TMEM65: variants seen among roughly 807,000 people sequenced by gnomAD.
The protein encoded by TMEM65 is transmembrane protein 65.
Under a neutral mutation model 25.4 loss-of-function variants are expected in TMEM65, and 22 were observed. The observed-to-expected ratio is 0.86, with a 90% CI of 0.62 to 1.23. The LOEUF (loss-of-function observed/expected upper bound fraction) is 1.23. TMEM65 is among the 50% of genes most tolerant of loss of function. TMEM65 has a pLI of 0.00. For missense variants in TMEM65, 262 were observed against 308.2 expected (o/e 0.85, Z 1.12); for synonymous variants, 132 against 126.2 (o/e 1.05, Z -0.31).
rs1814166964 is a variant in TMEM65, at chr8:124,311,936, T to C, written c.*2024A>G. 6.6e-6 allele frequency: 1 copy of C among 152,530 alleles called. No homozygotes were observed. Among genetic ancestry groups the C allele is most frequent in the Non-Finnish European group, 1.5e-5 (1 of 67,976 alleles). The allele number at this position is 152,530 out of a possible 1,614,324, so 9.4% of individuals were successfully genotyped here. A position where few individuals can be genotyped will look rare whatever the true frequency, so the allele number is the denominator to read the frequency against. On this transcript the variant is annotated 3_prime_UTR_variant, in exon 7 of 7. Coordinates refer to ENST00000297632, the MANE Select transcript of TMEM65 (RefSeq NM_194291.3). ...CAGTAATTCCCTGGGACCAGATTAC[T>C]TTCAAGAGCAAGAAGAAAAAACAAT...
intron 2 of TMEM65, among the ~76,000 whole-genome samples, chr8:124,328,182 G>A (rs1318601781): frequency 1.3e-5 from 2 of 151,952 alleles, no homozygotes; most frequent in African/African-American, 4.8e-5. Context: ...GAGGCGGGCG[G>A]ATCATGAGGT....
chr8:124,356,517 G>A (rs1361883080), intron 1 of TMEM65, among the ~76,000 whole-genome samples: 1 of 152,080 alleles, frequency 6.6e-6, no homozygotes, highest in African/African-American at 2.4e-5. Context: ...CCTTCAGAAA[G>A]TTGAATCCTT....
At chr8:124,329,445 A>G (rs377566369) in intron 2 of TMEM65, among the ~76,000 whole-genome samples, 1 of 152,018 alleles carries the variant, frequency 6.6e-6, no homozygotes, top group Non-Finnish European at 1.5e-5. Flanking sequence ...TTCTTTTAAT[A>G]GCATCTCTAA....
chr8:124,342,107 T>C (rs1190279107), intron 1 of TMEM65, among the ~76,000 whole-genome samples: 1 of 152,114 alleles, frequency 6.6e-6, no homozygotes, highest in Non-Finnish European at 1.5e-5. Flanking sequence ...ATTCAAATGC[T>C]GTATGCAACA....
chr8:124,323,344 A>C lies in TMEM65; in HGVS notation c.449T>G (p.Ile150Ser), dbSNP rs757527266. Reference sequence around the variant, plus strand: ...ACCTGCCATAGTTGAAATTCCCAAAATAATTCCAATAGACATTTCAATATG... The same window carrying C: ...ACCTGCCATAGTTGAAATTCCCAAACTAATTCCAATAGACATTTCAATATG... ...GTHIEMSIGI[I>S]LGISTMAAAA... is the part of the protein sequence containing the mutation. The change falls in exon 4 of 7, where the codon ATT becomes AGT. Residue 150 changes from isoleucine to serine, a missense_variant. Physicochemically the swap from Ile to Ser is moderately radical, Grantham distance 142. Transcript: ENST00000297632. 1.3e-6 allele frequency: 2 copies of C among 1,506,238 alleles called. No individual in the cohort carries two copies. The highest frequency in any genetic ancestry group is 1.8e-6 in the Non-Finnish European group (2 of 1,102,954). 93.3% of individuals were successfully genotyped at this position (1,506,238 alleles called of 1,614,324 possible). A position where few individuals can be genotyped will look rare whatever the true frequency, so the allele number is the denominator to read the frequency against.
rs1218737871 is a variant in TMEM65 at position 124,320,136 on chromosome 8, G to A, written c.571C>T (p.Leu191Phe). ...ASRLGLSIPD[L>F]TPKQVDMWQT... ...CACATGTCAACTTGCTTTGGTGTGA[G>A]ATCAGGAATTGACAGGCCTAACCTG... The change falls in exon 6 of 7, where the codon CTC (leucine) becomes TTC (phenylalanine). Residue 191 changes from leucine (L) to phenylalanine (F), a missense_variant. Coordinates refer to ENST00000297632, the MANE Select transcript of TMEM65 (RefSeq NM_194291.3). 1.2e-6 allele frequency: 2 copies of A among 1,613,272 alleles called. No homozygotes were observed. Among genetic ancestry groups the A allele is most frequent in the Non-Finnish European group, 1.7e-6 (2 of 1,179,512 alleles).
rs1586457730 is a variant in TMEM65 at position 124,323,323 on chromosome 8, G to T, written c.470C>A (p.Ala157Glu). The change falls in exon 4 of 7, where the codon GCA becomes GAA. Residue 157 changes from alanine (A) to glutamate (E), a missense_variant and splice_region_variant. Coordinates refer to ENST00000297632, the MANE Select transcript of TMEM65 (RefSeq NM_194291.3). ...TAACATTTACTACTGTTAAATACCT[G>T]CCATAGTTGAAATTCCCAAAATAAT... ...IGIILGISTMAAAALGNLVSD... is the reference protein window; with the variant it reads ...IGIILGISTMEAAALGNLVSD... 2 of 1,473,790 alleles carry T rather than the reference G, an allele frequency of 1.4e-6. No homozygotes were observed. Among genetic ancestry groups the T allele is most frequent in the South Asian group, 1.2e-5 (1 of 81,098 alleles). The allele number at this position is 1,473,790 out of a possible 1,614,324, so 91.3% of individuals were successfully genotyped here.
chr8:124,353,596 GAA>G (rs911379339), intron 1 of TMEM65, among the ~76,000 whole-genome samples: 1 of 150,676 alleles, frequency 6.6e-6, no homozygotes, highest in Non-Finnish European at 1.5e-5. Context: ...TCTACACTGA[GAA>G]AAAAAAAGAG....
Position 124,320,154 on chromosome 8 carries a change from C to T in TMEM65, c.553G>A (p.Gly185Ser). 3 of 1,613,284 alleles carry T rather than the reference C, an allele frequency of 1.9e-6. No homozygotes were observed. Among genetic ancestry groups the T allele is most frequent in the Non-Finnish European group, 2.5e-6 (3 of 1,179,448 alleles). Residue 185 changes from glycine to serine, a missense_variant, in exon 6 of 7, where the codon GGC (glycine) becomes AGC (serine). Transcript: ENST00000297632. ...GYVEALASRL[G>S]LSIPDLTPKQ... ...GGTGTGAGATCAGGAATTGACAGGCCTAACCTGGAAGCCAATGCTTCAACG... is the reference window on the plus strand; with the variant it reads ...GGTGTGAGATCAGGAATTGACAGGCTTAACCTGGAAGCCAATGCTTCAACG...
chr8:124,369,931 TAA>T (rs979314942), intron 1 of TMEM65, among the ~76,000 whole-genome samples: 42 of 152,166 alleles, frequency 2.8e-4, no homozygotes, highest in African/African-American at 1.0e-3. Context: ...CTTTAGCATA[TAA>T]AGAGGAGAGA....
At chr8:124,336,915 A>C (rs1271947563) in intron 1 of TMEM65, among the ~76,000 whole-genome samples, 1 of 151,894 alleles carries the variant, frequency 6.6e-6, no homozygotes, top group East Asian at 1.9e-4. Context: ...AATAAGAATT[A>C]CTCATATCAG....
chr8:124,320,181 A>T lies in TMEM65; in HGVS notation c.526T>A (p.Tyr176Asn), dbSNP rs776852537. 2 of 1,612,374 alleles carry T rather than the reference A, an allele frequency of 1.2e-6. No individual in the cohort carries two copies. The highest frequency in any genetic ancestry group is 1.7e-6 in the Non-Finnish European group (2 of 1,178,846). The change falls in exon 6 of 7, where the codon TAC (tyrosine) becomes AAC (asparagine). Residue 176 changes from tyrosine to asparagine, a missense_variant. Tyr to Asn is a moderately radical substitution (Grantham distance 143). Coordinates refer to ENST00000297632, the MANE Select transcript of TMEM65 (RefSeq NM_194291.3). ...AACCTGGAAGCCAATGCTTCAACGT[A>T]GCCTGCAAGTCTTTGAAGAAACAAG... is the stretch of plus-strand genomic sequence containing the variant. ...SDLAGLGLAG[Y>N]VEALASRLGL...
intron 1 of TMEM65, among the ~76,000 whole-genome samples, chr8:124,350,477 T>TCTCA (rs1814693789): frequency 6.8e-6 from 1 of 146,776 alleles, no homozygotes; most frequent in African/African-American, 2.6e-5. Flanking sequence ...TCTCTCTCTC[T>TCTCA]CACACACACA....
rs1814167779 is a variant in TMEM65 at position 124,311,994 on chromosome 8, GT to G, written c.*1965del. ...AGCCCTTTCTAAAGTCACAGGCAAG[GT>G]TTCTGATACGGGATTTAATTAATAA... On this transcript the variant is annotated 3_prime_UTR_variant, in exon 7 of 7. Coordinates refer to ENST00000297632, the MANE Select transcript of TMEM65 (RefSeq NM_194291.3). 6.6e-6 allele frequency: 1 copy of G among 152,440 alleles called. No homozygotes were observed. Among genetic ancestry groups the G allele is most frequent in the Admixed American group, 6.6e-5 (1 of 15,260 alleles). The allele number at this position is 152,440 out of a possible 1,614,324, so 9.4% of individuals were successfully genotyped here. A position where few individuals can be genotyped will look rare whatever the true frequency, so the allele number is the denominator to read the frequency against.
At chr8:124,339,776 T>C (rs1445455366) in intron 1 of TMEM65, among the ~76,000 whole-genome samples, 1 of 151,880 alleles carries the variant, frequency 6.6e-6, no homozygotes, top group Non-Finnish European at 1.5e-5. Flanking sequence ...TTCCCCTAAA[T>C]CTAAAGAGTC....
chr8:124,347,157 T>G lies in TMEM65; in HGVS notation c.305-16365A>C, dbSNP rs1272495168. On this transcript the variant is annotated intron_variant, in intron 1 of 6. Coordinates refer to ENST00000297632, the MANE Select transcript of TMEM65 (RefSeq NM_194291.3). ...ATTGAAAAATGAATGTTAAGCTTTC[T>G]AAAGTTAAGCTCTTTAGAAACAGCA... Among the ~76,000 whole-genome samples the G allele has an allele frequency of 6.6e-5, 10 of 152,214 alleles. 1 individual carries two copies. Among genetic ancestry groups the G allele is most frequent in the Non-Finnish European group, 1.0e-4 (7 of 68,028 alleles).
chr8:124,372,177 A>G lies in TMEM65; in HGVS notation c.-20T>C. 8.3e-7 allele frequency: 1 copy of G among 1,211,396 alleles called. No individual in the cohort carries two copies. The allele number at this position is 1,211,396 out of a possible 1,614,324, so 75.0% of individuals were successfully genotyped here. ...GGACATGGCGAGCTGAGGAGCTGGG[A>G]CCCCCGCGGCCGTCCGGCAAGGCGG... is the stretch of plus-strand genomic sequence containing the variant. On this transcript the variant is annotated 5_prime_UTR_variant, in exon 1 of 7. Coordinates refer to ENST00000297632, the MANE Select transcript of TMEM65 (RefSeq NM_194291.3).
At chr8:124,355,813 T>C (rs1047888918) in intron 1 of TMEM65, among the ~76,000 whole-genome samples, 1 of 152,202 alleles carries the variant, frequency 6.6e-6, no homozygotes, top group African/African-American at 2.4e-5. Context: ...TTACTTAGGA[T>C]AGCTGCAACT....
At chr8:124,344,590 A>G (rs1048452628) in intron 1 of TMEM65, among the ~76,000 whole-genome samples, 6 of 152,192 alleles carry the variant, frequency 3.9e-5, no homozygotes, top group Non-Finnish European at 1.5e-5. Flanking sequence ...GCATAAATAT[A>G]TCTGGTATGA....
Sources: allele counts gnomAD v4.1 joint callset (sites outside exome capture counted in the v4.1 genomes callset), GRCh38; gene constraint gnomAD v4.1.1; transcripts MANE v1.5; gene names NCBI Gene and HGNC (gene_info 2026-07-23, HGNC 2026-07-21).